Variants in LIN7B observed in about 807,000 individuals in gnomAD.
LIN7B encodes lin-7 cell polarity scaffold B, also known as protein lin-7 homolog B.
Under a neutral mutation model 27.9 loss-of-function variants are expected in LIN7B, and 16 were observed. That is an observed-to-expected ratio of 0.57 (90% CI 0.39 to 0.87). The LOEUF is 0.87. LIN7B is among the 40% of genes least tolerant of loss of function. The pLI is 0.00. For missense variants in LIN7B, 291 were observed against 288.5 expected (o/e 1.01, Z -0.06); for synonymous variants, 147 against 120.8 (o/e 1.22, Z -1.42).
chr19:49,116,658 G>C (rs965608179), intron 4 of LIN7B, among the ~76,000 whole-genome samples, 186 bp downstream of exon 4: 2 of 152,246 alleles, frequency 1.3e-5, no homozygotes, highest in Non-Finnish European at 2.9e-5. Flanking sequence ...TCTCTGGGGA[G>C]GGCAGTAGGC....
chr19:49,116,500 G>A (rs760897287), intron 4 of LIN7B, 28 bp downstream of exon 4: 1 of 1,597,844 alleles, frequency 6.3e-7, no homozygotes, highest in East Asian at 2.2e-5. Flanking sequence ...GCAGGACTGG[G>A]GGACACAGTC....
In LIN7B at chr19:49,117,333, C is replaced by T. The variant is rs925938075; in HGVS notation, c.439-522C>T. 2.0e-5 allele frequency among the ~76,000 whole-genome samples: 3 copies of T among 151,684 alleles called. No homozygotes were observed. The South Asian group carries it at 6.2e-4, about 31-fold the overall frequency. The stretch of plus-strand genomic sequence containing the variant: ...ATGGCTGGGGTCAGCCATACAGGAC[C>T]TGAGTGCCAGCCTGAGAAGCTGGGA... On this transcript the variant is annotated intron_variant, in intron 4 of 5. Coordinates refer to ENST00000221459, the MANE Select transcript of LIN7B (RefSeq NM_022165.3).
chr19:49,118,341 C>T lies in LIN7B; in HGVS notation c.603-11C>T, dbSNP rs1233856494. On this transcript the variant is annotated splice_polypyrimidine_tract_variant and intron_variant, in intron 5 of 5. Transcript: ENST00000221459. Reference sequence around the variant, plus strand: ...CCCTGATCCCGGGTCCCTTGTCCACCCCCCTTGCAGGTCCTTGGAGTCTCG... The same window carrying T: ...CCCTGATCCCGGGTCCCTTGTCCACTCCCCTTGCAGGTCCTTGGAGTCTCG... 1.9e-6 allele frequency: 3 copies of T among 1,614,154 alleles called. No individual in the cohort carries two copies. The highest frequency in any genetic ancestry group is 2.2e-5 in the South Asian group (2 of 91,082).
intron 1 of LIN7B, 90 bp downstream of exon 1, chr19:49,114,531 G>T: frequency 9.8e-7 from 1 of 1,022,186 alleles, no homozygotes; most frequent in South Asian, 4.9e-5. Context: ...AGGCCAGTGC[G>T]GGTGGGCCAG....
At chr19:49,118,314 C>T (rs746526270) in intron 5 of LIN7B, 38 bp from the exon 6 acceptor site, 1 of 1,613,194 alleles carries the variant, frequency 6.2e-7, no homozygotes, top group Non-Finnish European at 8.5e-7. Flanking sequence ...TACCCGGAGC[C>T]TCCCTGATCC....
At chr19:49,116,523 C>T (rs1199641671) in intron 4 of LIN7B, 51 bp downstream of exon 4, 1 of 1,504,794 alleles carries the variant, frequency 6.6e-7, no homozygotes, top group Non-Finnish European at 9.2e-7. Flanking sequence ...TCTAACGTAG[C>T]ATAGCCCCTG....
Position 49,118,402 on chromosome 19 carries a change from T to C in LIN7B, c.*29T>C. 1 of 1,611,932 alleles carries C rather than the reference T, an allele frequency of 6.2e-7. No individual in the cohort carries two copies. Among genetic ancestry groups the C allele is most frequent in the Admixed American group, 1.7e-5 (1 of 60,014 alleles). On this transcript the variant is annotated 3_prime_UTR_variant, in exon 6 of 6. Transcript: ENST00000221459. Reference sequence around the variant, plus strand: ...CACAGATCTGGACGTTCACGTGCACTCTCTTCCTGTACAGTATTTATTGTT... The same window carrying C: ...CACAGATCTGGACGTTCACGTGCACCCTCTTCCTGTACAGTATTTATTGTT...
chr19:49,117,245 C>CAAAA (rs1256318523), intron 4 of LIN7B, among the ~76,000 whole-genome samples: 2 of 36,370 alleles, frequency 5.5e-5, no homozygotes, highest in African/African-American at 2.0e-4. Context: ...GACTCCCTCT[C>CAAAA]AAAAAAAAAA....
In LIN7B at chr19:49,114,401, C is replaced by T; in HGVS notation, c.-4C>T. 1 of 1,200,764 alleles carries T rather than the reference C, an allele frequency of 8.3e-7. No individual in the cohort carries two copies. Among genetic ancestry groups the T allele is most frequent in the Non-Finnish European group, 1.0e-6 (1 of 967,954 alleles). 74.4% of individuals were successfully genotyped at this position (1,200,764 alleles called of 1,614,324 possible). On this transcript the variant is annotated 5_prime_UTR_variant, in exon 1 of 6. Transcript: ENST00000221459. ...GGCGGGCGGCTGGCAGCTGTGGCGCCGACATGGCTGCGCTGGTGGAGCCGC... is the reference window on the plus strand; with the variant it reads ...GGCGGGCGGCTGGCAGCTGTGGCGCTGACATGGCTGCGCTGGTGGAGCCGC...
intron 4 of LIN7B, among the ~76,000 whole-genome samples, chr19:49,117,462 G>C (rs2040846664): frequency 2.0e-5 from 3 of 152,110 alleles, no homozygotes; most frequent in Admixed American, 1.3e-4. Context: ...GAGATGAACT[G>C]AGGGGAGAGA....
chr19:49,114,750 C>T (rs2040795913), intron 1 of LIN7B, 99 bp from the exon 2 acceptor site: 5 of 677,104 alleles, frequency 7.4e-6, no homozygotes, highest in South Asian at 5.2e-5. Context: ...CCGTCCTCCC[C>T]GGACTGTGCG....
At chr19:49,115,400 G>A in intron 3 of LIN7B, 69 bp downstream of exon 3, 1 of 1,337,996 alleles carries the variant, frequency 7.5e-7, no homozygotes, top group Non-Finnish European at 1.0e-6. Flanking sequence ...TCTCCTTCAT[G>A]CCAGTCATTT....
Position 49,116,353 on chromosome 19 carries a change from A to T in LIN7B, c.319A>T (p.Ile107Phe). The change falls in exon 4 of 6, where the codon ATC becomes TTC. Residue 107 changes from isoleucine (I) to phenylalanine (F), a missense_variant. Ile to Phe is a conservative substitution (Grantham distance 21, BLOSUM62 0). Coordinates refer to ENST00000221459, the MANE Select transcript of LIN7B (RefSeq NM_022165.3). The stretch of plus-strand genomic sequence containing the variant: ...GACGGATGAGGGCCTAGGCTTCAAC[A>T]TCATGGGTGGCAAAGAGCAAAACTC... ...PKTDEGLGFNIMGGKEQNSPI... is the reference protein window; with the variant it reads ...PKTDEGLGFNFMGGKEQNSPI... The T allele has an allele frequency of 1.2e-6, 2 of 1,614,182 alleles. No individual in the cohort carries two copies. The highest frequency in any genetic ancestry group is 1.7e-5 in the Admixed American group (1 of 60,020).
Position 49,116,380 on chromosome 19 carries a change from C to T in LIN7B, c.346C>T (p.Pro116Ser). The T allele has an allele frequency of 1.2e-6, 2 of 1,614,236 alleles. No individual in the cohort carries two copies. Among genetic ancestry groups the T allele is most frequent in the Non-Finnish European group, 1.7e-6 (2 of 1,180,034 alleles). ...NIMGGKEQNSPIYISRVIPGG... is the reference protein window; with the variant it reads ...NIMGGKEQNSSIYISRVIPGG... ...CATGGGTGGCAAAGAGCAAAACTCGCCCATCTACATCTCCCGGGTCATCCC... is the reference window on the plus strand; with the variant it reads ...CATGGGTGGCAAAGAGCAAAACTCGTCCATCTACATCTCCCGGGTCATCCC... The change falls in exon 4 of 6, where the codon CCC (proline) becomes TCC (serine). Residue 116 changes from proline to serine, a missense_variant. Transcript: ENST00000221459.
rs367767689 is a variant in LIN7B at position 49,118,045 on chromosome 19, G to A, written c.602+27G>A. On this transcript the variant is annotated intron_variant, in intron 5 of 5. Transcript: ENST00000221459. Reference sequence around the variant, plus strand: ...TGAGCCCCTGGGTCACCACACCCCTGGGGCCTCCACGGGCTCCCTTTAACC... The same window carrying A: ...TGAGCCCCTGGGTCACCACACCCCTAGGGCCTCCACGGGCTCCCTTTAACC... The A allele has an allele frequency of 5.2e-5, 84 of 1,612,212 alleles. No homozygotes were observed. The African/African-American group carries it at 1.1e-3, about 20-fold the overall frequency.
rs750907300 is a variant in LIN7B at position 49,116,221 on chromosome 19, C to T, written c.229-42C>T. ...TCCCCCACCCCAGCTTTCATGCCTA[C>T]CTGGAAGGGGCCCTCATCTTCAGTC... On this transcript the variant is annotated intron_variant, in intron 3 of 5. Coordinates refer to ENST00000221459, the MANE Select transcript of LIN7B (RefSeq NM_022165.3). 3.2e-6 allele frequency: 5 copies of T among 1,573,604 alleles called. No individual in the cohort carries two copies. In the South Asian group the frequency reaches 3.4e-5, roughly 11 times the overall value.
In LIN7B at chr19:49,114,429, G is replaced by C; in HGVS notation, c.25G>C (p.Gly9Arg). Residue 9 changes from glycine (G) to arginine (R), a missense_variant, in exon 1 of 6, where the codon GGG (glycine) becomes CGG (arginine). Coordinates refer to ENST00000221459, the MANE Select transcript of LIN7B (RefSeq NM_022165.3). MAALVEPL[G>R]LERDVSRAVE... ...CATGGCTGCGCTGGTGGAGCCGCTG[G>C]GGCTGGAGCGGGGTAAGCGTGCGCC... 5 of 1,207,194 alleles carry C rather than the reference G, an allele frequency of 4.1e-6. No homozygotes were observed. The highest frequency in any genetic ancestry group is 1.6e-5 in the African/African-American group (1 of 63,476). The allele number at this position is 1,207,194 out of a possible 1,614,324, so 74.8% of individuals were successfully genotyped here.
In LIN7B at chr19:49,114,976, C is replaced by A; in HGVS notation, c.156+9C>A. ...GCTCCGCTATCCGAGAGGTGAGGGG[C>A]GCGCGGCGCAGGGGCGCGAGCTGGT... On this transcript the variant is annotated intron_variant, in intron 2 of 5. Transcript: ENST00000221459. 1 of 1,407,898 alleles carries A rather than the reference C, an allele frequency of 7.1e-7. No individual in the cohort carries two copies. Among genetic ancestry groups the A allele is most frequent in the Non-Finnish European group, 9.3e-7 (1 of 1,077,518 alleles). 87.2% of individuals were successfully genotyped at this position (1,407,898 alleles called of 1,614,324 possible). A position where few individuals can be genotyped will look rare whatever the true frequency, so the allele number is the denominator to read the frequency against.
chr19:49,114,852 T>G lies in LIN7B; in HGVS notation c.41T>G (p.Val14Gly). ...GCGCCCCGCCCCCGCCCCGCAGACG[T>G]GTCCCGGGCGGTTGAGCTCCTCGAG... The part of the protein sequence containing the change: ...LVEPLGLERD[V>G]SRAVELLERL... The change falls in exon 2 of 6, where the codon GTG becomes GGG. Residue 14 changes from valine (V) to glycine (G), a missense_variant. By Grantham distance (109) the Val-to-Gly change is moderately radical (BLOSUM62 -3). Transcript: ENST00000221459. 6.9e-7 allele frequency: 1 copy of G among 1,448,920 alleles called. No homozygotes were observed. The highest frequency in any genetic ancestry group is 9.1e-7 in the Non-Finnish European group (1 of 1,104,306). 89.8% of individuals were successfully genotyped at this position (1,448,920 alleles called of 1,614,324 possible).
Sources: allele counts gnomAD v4.1 joint callset (sites outside exome capture counted in the v4.1 genomes callset), GRCh38; gene constraint gnomAD v4.1.1; transcripts MANE v1.5; gene names NCBI Gene and HGNC (gene_info 2026-07-23, HGNC 2026-07-21).